The following CHN2 variants were observed in gnomAD, a reference collection of about 807,000 sequenced individuals.
The protein encoded by CHN2 is beta-chimaerin.
Under a neutral mutation model 56.3 loss-of-function variants are expected in CHN2, and 35 were observed. That is an observed-to-expected ratio of 0.62 (90% CI 0.47 to 0.82). CHN2 has a LOEUF of 0.82. Ranked by LOEUF, CHN2 falls within the 40% of genes least tolerant of loss-of-function variation. The probability of loss-of-function intolerance (pLI) is 0.00; values close to 1 mark genes in which losing one functional copy is unlikely to be tolerated. For missense variants in CHN2, 491 were observed against 580.5 expected (o/e 0.85, Z 1.58); for synonymous variants, 210 against 212.8 (o/e 0.99, Z 0.12).
chr7:29,500,024 G>T lies in CHN2; in HGVS notation c.897G>T (p.Arg299=). The T allele has an allele frequency of 6.5e-7, 1 of 1,544,062 alleles. No homozygotes were observed. The highest frequency in any genetic ancestry group is 8.7e-7 in the Non-Finnish European group (1 of 1,144,528). The change falls in exon 9 of 13, where the codon CGG becomes CGT. Residue 299 remains arginine, a synonymous_variant. Coordinates refer to ENST00000222792, the MANE Select transcript of CHN2 (RefSeq NM_004067.4). ...CCATGGTGGTAGACATATGCATTCGGGAAATTGAAGCAAGAGGTTTGGAAA... is the reference window on the plus strand; with the variant it reads ...CCATGGTGGTAGACATATGCATTCGTGAAATTGAAGCAAGAGGTTTGGAAA... ...QRPMVVDICI[R]EIEARGLKSE... is the part of the protein sequence containing the mutation.
In CHN2 at chr7:29,161,908, A is replaced by T. The variant is rs549720885; in HGVS notation, c.274+14948A>T. On this transcript the variant is annotated intron_variant, in intron 2 of 6. Coordinates refer to the CHN2 transcript ENST00000439384. ...TAAAGAAGATAGACAGTTGGCAAAT[A>T]AGCACATGAAAGATACTCAGCATCA... 4.7e-4 allele frequency among the ~76,000 whole-genome samples: 71 copies of T among 152,350 alleles called. 1 individual carries two copies. The highest frequency in any genetic ancestry group is 1.6e-3 in the African/African-American group (66 of 41,586).
intron 6 of CHN2, among the ~76,000 whole-genome samples, chr7:29,412,295 A>C (rs1251527301): frequency 1.3e-5 from 2 of 149,022 alleles, no homozygotes; most frequent in African/African-American, 5.0e-5. Flanking sequence ...CATTTCAGTA[A>C]GATTAAGGCG....
chr7:29,447,022 G>A (rs849916), intron 6 of CHN2, among the ~76,000 whole-genome samples: 53,466 of 152,020 alleles, frequency 0.35, 10,851 homozygotes, highest in African/African-American at 0.56. Context: ...ATCCAAAAGC[G>A]AAGTTGAAGA....
chr7:29,240,798 C>T (rs150627970), intron 1 of CHN2, among the ~76,000 whole-genome samples: 33 of 133,298 alleles, frequency 2.5e-4, no homozygotes, highest in African/African-American at 3.2e-4. Context: ...CTTCTTCTTC[C>T]TCTTCTTCTT....
intron 1 of CHN2, among the ~76,000 whole-genome samples, chr7:29,256,700 AG>A (rs1789106247): frequency 6.6e-6 from 1 of 152,186 alleles, no homozygotes. Context: ...GGTCTGGCAC[AG>A]GTGATCTCGA....
At position 29,353,639 on chromosome 7, in the gene CHN2, A is replaced by C. The variant is rs144407074; in HGVS notation, c.50-986A>C. Among the ~76,000 whole-genome samples the C allele has an allele frequency of 6.3e-3, 952 of 152,272 alleles. 12 individuals carry two copies. Among genetic ancestry groups the C allele is most frequent in the African/African-American group, 0.022 (922 of 41,556 alleles). ...AGAACGAGACTCTGTCTCAAAAAAA[A>C]AGAAAGAAAGAAAAGTTTAACAGGA... On this transcript the variant is annotated intron_variant, in intron 1 of 12. Transcript: ENST00000222792.
At chr7:29,159,207 C>G (rs957111589) in intron 2 of CHN2, among the ~76,000 whole-genome samples, 3 of 152,134 alleles carry the variant, frequency 2.0e-5, no homozygotes, top group African/African-American at 7.2e-5. Context: ...AAGTTTAGAC[C>G]TGAGATGGAC....
At chr7:29,322,429 C>T (rs551779574) in intron 1 of CHN2, among the ~76,000 whole-genome samples, 1 of 152,196 alleles carries the variant, frequency 6.6e-6, no homozygotes, top group Admixed American at 6.5e-5. Flanking sequence ...CCAAATCTCC[C>T]CAAGCTTCTC....
At chr7:29,483,925 G>C (rs1156745467) in intron 7 of CHN2, 34 of 1,285,106 alleles carry the variant, frequency 2.6e-5, no homozygotes, top group Non-Finnish European at 3.4e-5. Flanking sequence ...TGGGAGTGTT[G>C]GGAGGTTTAA....
intron 1 of CHN2, among the ~76,000 whole-genome samples, chr7:29,216,253 A>T (rs1178432470): frequency 6.6e-6 from 1 of 152,178 alleles, no homozygotes; most frequent in African/African-American, 2.4e-5. Context: ...ATCTGGGAGG[A>T]AGGAAAAGAC....
chr7:29,336,967 G>A lies in CHN2; in HGVS notation c.50-17658G>A, dbSNP rs750806418. ...GGTCTTCCTTGTTAGCTTCCCATTC[G>A]CCCCTGCCAGGAACCTGGCTCCTGT... On this transcript the variant is annotated intron_variant, in intron 1 of 12. Coordinates refer to ENST00000222792, the MANE Select transcript of CHN2 (RefSeq NM_004067.4). 1.5e-4 allele frequency among the ~76,000 whole-genome samples: 23 copies of A among 151,844 alleles called. 1 individual carries two copies. Among genetic ancestry groups the A allele is most frequent in the South Asian group, 1.2e-3 (6 of 4,804 alleles).
chr7:29,378,153 A>T (rs1256506678), intron 3 of CHN2, among the ~76,000 whole-genome samples: 1 of 152,254 alleles, frequency 6.6e-6, no homozygotes, highest in African/African-American at 2.4e-5. Context: ...GATGCAGCTC[A>T]GACTCCTTAG....
intron 2 of CHN2, among the ~76,000 whole-genome samples, chr7:29,155,417 G>A (rs1159879395): frequency 6.6e-6 from 1 of 152,162 alleles, no homozygotes; most frequent in Non-Finnish European, 1.5e-5. Context: ...CATGCTAAGT[G>A]TATCACACAT....
intron 6 of CHN2, among the ~76,000 whole-genome samples, chr7:29,462,013 T>TTATATTTTAATATTGTACTTGG (rs1279112100): frequency 1.3e-5 from 2 of 152,250 alleles, no homozygotes; most frequent in Non-Finnish European, 2.9e-5. Context: ...CCCATTCATT[T>TTATATTTTAATATTGTACTTGG]AACCTATTTT....
chr7:29,278,729 C>T (rs1791428679), intron 1 of CHN2, among the ~76,000 whole-genome samples: 1 of 152,174 alleles, frequency 6.6e-6, no homozygotes, highest in Non-Finnish European at 1.5e-5. Flanking sequence ...GACCCCAGTG[C>T]CCTGCTGAGT....
At chr7:29,353,618 C>G (rs537377491) in intron 1 of CHN2, among the ~76,000 whole-genome samples, 53 of 151,946 alleles carry the variant, frequency 3.5e-4, no homozygotes, top group African/African-American at 1.1e-3. Context: ...GGTAACAGAA[C>G]GAGACTCTGT....
chr7:29,202,635 T>A (rs1239754248), intron 1 of CHN2, among the ~76,000 whole-genome samples: 1 of 152,218 alleles, frequency 6.6e-6, no homozygotes, highest in Non-Finnish European at 1.5e-5. Context: ...GCAATATGAA[T>A]CACAGAAGCA....
At chr7:29,188,037 C>G (rs1384121712) in intron 2 of CHN2, among the ~76,000 whole-genome samples, 1 of 152,132 alleles carries the variant, frequency 6.6e-6, no homozygotes, top group Admixed American at 6.5e-5. Flanking sequence ...TCTTAATATA[C>G]TCGCATAGAG....
chr7:29,408,213 A>T (rs6972140), intron 6 of CHN2, among the ~76,000 whole-genome samples: 2,604 of 151,802 alleles, frequency 0.017, 18 homozygotes, highest in Non-Finnish European at 0.023. Context: ...AAATTAAATT[A>T]AAAAATATAT....
Sources: allele counts gnomAD v4.1 joint callset (sites outside exome capture counted in the v4.1 genomes callset), GRCh38; gene constraint gnomAD v4.1.1; transcripts MANE v1.5; gene names NCBI Gene and HGNC (gene_info 2026-07-23, HGNC 2026-07-21).